Variants in CNTN4 observed in about 807,000 individuals in gnomAD.
The protein encoded by CNTN4 is contactin-4.
Under a neutral mutation model 122.5 loss-of-function variants are expected in CNTN4, and 77 were observed. The observed-to-expected ratio is 0.63, with a 90% CI of 0.52 to 0.76. CNTN4 has a LOEUF of 0.76. CNTN4 is among the 30% of genes least tolerant of loss of function. The pLI, the probability that CNTN4 is intolerant of heterozygous loss-of-function variation, is 0.00. For synonymous variants in CNTN4, 512 were observed against 447.0 expected (o/e 1.15, Z -1.83); for missense variants, 1,256 against 1,259.1 (o/e 1.00, Z 0.04).
chr3:2,159,841 A>G (rs2035882772), intron 2 of CNTN4, among the ~76,000 whole-genome samples: 1 of 150,894 alleles, frequency 6.6e-6, no homozygotes, highest in South Asian at 2.1e-4. Context: ...TTTTTTTTTA[A>G]CATTTAGTTT....
chr3:2,593,020 G>T (rs1216281021), intron 4 of CNTN4, among the ~76,000 whole-genome samples: 1 of 152,164 alleles, frequency 6.6e-6, no homozygotes, highest in African/African-American at 2.4e-5. Context: ...TAAGCAAATT[G>T]TCTCTTTACC....
chr3:2,639,847 T>C lies in CNTN4; in HGVS notation c.55+68289T>C, dbSNP rs115766312. 6.2e-3 allele frequency among the ~76,000 whole-genome samples: 948 copies of C among 152,330 alleles called. 3 individuals carry two copies. The highest frequency in any genetic ancestry group is 9.1e-3 in the Non-Finnish European group (622 of 68,022). ...CAGATAAAGCCAAATGATTGAATGC[T>C]TGACTGAATTGACTGGTTGTTTGGA... On this transcript the variant is annotated intron_variant, in intron 4 of 24. Transcript: ENST00000418658.
intron 3 of CNTN4, among the ~76,000 whole-genome samples, chr3:2,373,322 A>G (rs912213311): frequency 6.6e-6 from 1 of 152,202 alleles, no homozygotes; most frequent in Non-Finnish European, 1.5e-5. Flanking sequence ...GATTAATGAA[A>G]TAATTACTCT....
chr3:3,028,608 C>T (rs905373460), intron 15 of CNTN4, among the ~76,000 whole-genome samples: 10 of 152,136 alleles, frequency 6.6e-5, no homozygotes, highest in African/African-American at 2.4e-4. Context: ...AGGCATTTCC[C>T]TAAGGCCAAT....
chr3:2,265,879 AG>A (rs1332291230), intron 2 of CNTN4, among the ~76,000 whole-genome samples: 2 of 151,894 alleles, frequency 1.3e-5, no homozygotes, highest in Non-Finnish European at 2.9e-5. Context: ...GATCTCTGCT[AG>A]TGTACTGAAA....
intron 2 of CNTN4, among the ~76,000 whole-genome samples, chr3:2,246,199 C>G (rs2040139524): frequency 6.6e-6 from 1 of 151,926 alleles, no homozygotes; most frequent in Non-Finnish European, 1.5e-5. Context: ...ATATTTTGGA[C>G]ATTCTCATCC....
Position 3,003,389 on chromosome 3 carries a change from A to G in CNTN4, c.1486+14917A>G, listed in dbSNP as rs372634913. 7.2e-5 allele frequency among the ~76,000 whole-genome samples: 11 copies of G among 152,294 alleles called. No individual in the cohort carries two copies. In the South Asian group the frequency reaches 2.1e-3, roughly 29 times the overall value. Reference sequence around the variant, plus strand: ...AAACCAAATGTGGTGTATCCATACAATGGACTATTATTCAGTCATTAAAAG... The same window carrying G: ...AAACCAAATGTGGTGTATCCATACAGTGGACTATTATTCAGTCATTAAAAG... On this transcript the variant is annotated intron_variant, in intron 14 of 24. Coordinates refer to ENST00000418658, the MANE Select transcript of CNTN4 (RefSeq NM_175607.3).
At chr3:2,860,555 A>G (rs993993184) in intron 7 of CNTN4, among the ~76,000 whole-genome samples, 2 of 152,166 alleles carry the variant, frequency 1.3e-5, no homozygotes, top group African/African-American at 4.8e-5. Flanking sequence ...CATTACCGTC[A>G]TTATAGGTTT....
intron 4 of CNTN4, among the ~76,000 whole-genome samples, chr3:2,668,947 G>A (rs1463000593): frequency 4.6e-5 from 7 of 152,204 alleles, no homozygotes; most frequent in Non-Finnish European, 8.8e-5. Context: ...AAGCCCACTT[G>A]ATCATGGTGG....
chr3:2,287,636 A>AG (rs1559415160), intron 2 of CNTN4, among the ~76,000 whole-genome samples: 137 of 13,504 alleles, frequency 0.01, 2 homozygotes, highest in South Asian at 0.025. Flanking sequence ...GAGAAGGAGA[A>AG]GAAGAAGAAG....
chr3:2,535,178 C>A (rs2077752946), intron 3 of CNTN4, among the ~76,000 whole-genome samples: 1 of 152,094 alleles, frequency 6.6e-6, no homozygotes, highest in South Asian at 2.1e-4. Flanking sequence ...TGCCTTTCAA[C>A]CTTGTACTTC....
At chr3:2,121,447 G>A (rs1400781332) in intron 2 of CNTN4, among the ~76,000 whole-genome samples, 9 of 148,582 alleles carry the variant, frequency 6.1e-5, no homozygotes, top group East Asian at 4.0e-4. Context: ...GCAGTGAGCC[G>A]AGATCACACC....
chr3:2,926,818 T>C (rs1276805337), intron 13 of CNTN4, among the ~76,000 whole-genome samples: 1 of 152,132 alleles, frequency 6.6e-6, no homozygotes. Flanking sequence ...GAGTAACAAA[T>C]GTATTAAATT....
chr3:2,779,137 G>T (rs1576758726), intron 6 of CNTN4, among the ~76,000 whole-genome samples: 1 of 152,156 alleles, frequency 6.6e-6, no homozygotes. Context: ...TTTATCTGGT[G>T]GGGGGAGGGT....
intron 4 of CNTN4, among the ~76,000 whole-genome samples, chr3:2,667,634 G>A (rs963246156): frequency 1.4e-5 from 2 of 146,626 alleles, no homozygotes; most frequent in African/African-American, 5.1e-5. Flanking sequence ...TGTTGCCATT[G>A]CTTTTGGTGT....
chr3:2,583,148 C>G (rs1253553767), intron 4 of CNTN4, among the ~76,000 whole-genome samples: 3 of 152,158 alleles, frequency 2.0e-5, no homozygotes, highest in Admixed American at 6.5e-5. Flanking sequence ...AATGTCAAAA[C>G]AAACAACTCA....
chr3:2,577,550 G>C (rs1009116820), intron 4 of CNTN4, among the ~76,000 whole-genome samples: 28 of 152,176 alleles, frequency 1.8e-4, no homozygotes, highest in African/African-American at 6.0e-4. Flanking sequence ...GAGTTGAACA[G>C]ATGGTTTTAG....
chr3:2,384,835 T>G (rs373858407), intron 3 of CNTN4, among the ~76,000 whole-genome samples: 111 of 152,238 alleles, frequency 7.3e-4, no homozygotes, highest in African/African-American at 2.6e-3. Context: ...GTAGAAGGAC[T>G]AATTTTTACC....
intron 3 of CNTN4, among the ~76,000 whole-genome samples, chr3:2,521,076 T>A (rs1415823619): frequency 6.6e-6 from 1 of 152,130 alleles, no homozygotes; most frequent in African/African-American, 2.4e-5. Context: ...CTATTTTCAC[T>A]ACTTCTTCTT....
Sources: allele counts gnomAD v4.1 joint callset (sites outside exome capture counted in the v4.1 genomes callset), GRCh38; gene constraint gnomAD v4.1.1; transcripts MANE v1.5; gene names NCBI Gene and HGNC (gene_info 2026-07-23, HGNC 2026-07-21).